WDR7: variants seen among roughly 807,000 people sequenced by gnomAD.
WDR7 encodes the protein WD repeat-containing protein 7.
In WDR7, 46 loss-of-function variants were observed where a neutral mutation model predicts 169.4. That is an observed-to-expected ratio of 0.27 (90% confidence interval 0.21 to 0.35). The LOEUF (loss-of-function observed/expected upper bound fraction) is 0.35, where lower values mean the gene tolerates loss of function less well. Ranked by LOEUF, WDR7 falls within the 10% of genes least tolerant of loss-of-function variation. The pLI is 1.00. For missense variants in WDR7, 1,534 were observed against 1,859.3 expected (o/e 0.83, Z 3.22); for synonymous variants, 612 against 666.8 (o/e 0.92, Z 1.27).
intron 19 of WDR7, among the ~76,000 whole-genome samples, chr18:56,815,277 C>T (rs150249396): frequency 1.3e-5 from 2 of 152,102 alleles, no homozygotes; most frequent in African/African-American, 4.8e-5. Flanking sequence ...CTTTTGATAA[C>T]CATGTGAAAA....
At chr18:56,695,401 TAAAG>T (rs2025677882) in intron 11 of WDR7, among the ~76,000 whole-genome samples, 1 of 152,176 alleles carries the variant, frequency 6.6e-6, no homozygotes, top group Non-Finnish European at 1.5e-5. Flanking sequence ...TGACTGTAAA[TAAAG>T]AAGTATCCAA....
chr18:57,012,601 C>T (rs966872633), intron 26 of WDR7, among the ~76,000 whole-genome samples: 2 of 152,250 alleles, frequency 1.3e-5, no homozygotes, highest in African/African-American at 2.4e-5. Context: ...CTGTAGCTGC[C>T]TGGGCTGGGG....
intron 1 of WDR7, among the ~76,000 whole-genome samples, chr18:56,667,046 AAC>A (rs1346474336): frequency 6.6e-6 from 1 of 152,142 alleles, no homozygotes; most frequent in African/African-American, 2.4e-5. Context: ...TACCATTCAG[AAC>A]AGTTTTGTTG....
chr18:56,836,747 A>C (rs978711689), intron 20 of WDR7, among the ~76,000 whole-genome samples: 3 of 152,244 alleles, frequency 2.0e-5, no homozygotes, highest in African/African-American at 7.2e-5. Flanking sequence ...ATTTGAAAGA[A>C]GCCTTTCAAC....
At chr18:56,686,168 A>G in intron 6 of WDR7, 136 bp downstream of exon 6, 3 of 669,860 alleles carry the variant, frequency 4.5e-6, no homozygotes, top group Non-Finnish European at 7.1e-6. Context: ...TCTTATAGGC[A>G]TAGTATGGAA....
chr18:56,950,835 G>A (rs1375152006), intron 25 of WDR7, among the ~76,000 whole-genome samples: 1 of 152,190 alleles, frequency 6.6e-6, no homozygotes, highest in Non-Finnish European at 1.5e-5. Flanking sequence ...ATGGGCATTT[G>A]ATGTTAAATC....
At chr18:56,769,439 T>A (rs1340883703) in intron 16 of WDR7, among the ~76,000 whole-genome samples, 1 of 152,140 alleles carries the variant, frequency 6.6e-6, no homozygotes, top group African/African-American at 2.4e-5. Flanking sequence ...GCTCAAGTGA[T>A]CCTCCCACCC....
chr18:56,690,072 A>G (rs2025531559), intron 7 of WDR7, among the ~76,000 whole-genome samples: 1 of 152,156 alleles, frequency 6.6e-6, no homozygotes, highest in South Asian at 2.1e-4. Flanking sequence ...TCCTGGGAAA[A>G]TTTTCTAACA....
Position 56,915,906 on chromosome 18 carries a change from G to A in WDR7, c.3527-8016G>A, listed in dbSNP as rs560291012. ...CTCTAGCGAGGGACCCTTTGTCATG[G>A]AGGAGTTCTCCCCTCCTCCTTTCTG... is the stretch of plus-strand genomic sequence containing the variant. On this transcript the variant is annotated intron_variant, in intron 21 of 27. Coordinates refer to ENST00000254442, the MANE Select transcript of WDR7 (RefSeq NM_015285.3). Among the ~76,000 whole-genome samples, 571 of 152,226 alleles carry A rather than the reference G, an allele frequency of 3.8e-3. 1 individual carries two copies. Among genetic ancestry groups the A allele is most frequent in the Admixed American group, 7.8e-3 (119 of 15,284 alleles).
chr18:56,832,953 G>T (rs754803803), intron 20 of WDR7, among the ~76,000 whole-genome samples: 1 of 151,986 alleles, frequency 6.6e-6, no homozygotes, highest in Admixed American at 6.6e-5. Flanking sequence ...ACAACTCCTC[G>T]CCAGCAAGGG....
chr18:56,838,201 TTTA>T (rs1164311943), intron 20 of WDR7, among the ~76,000 whole-genome samples: 6 of 151,170 alleles, frequency 4.0e-5, no homozygotes, highest in Non-Finnish European at 5.9e-5. Context: ...TCATTGTTGC[TTTA>T]TTATTATTTT....
chr18:56,725,851 C>A (rs931968189), intron 13 of WDR7, among the ~76,000 whole-genome samples: 2 of 152,128 alleles, frequency 1.3e-5, no homozygotes, highest in African/African-American at 2.4e-5. Flanking sequence ...AGGAAGGGAT[C>A]CAGTTTCAGC....
intron 21 of WDR7, among the ~76,000 whole-genome samples, chr18:56,922,091 T>C (rs970976036): frequency 6.6e-6 from 1 of 152,180 alleles, no homozygotes; most frequent in East Asian, 1.9e-4. Context: ...CTGCAGAGAA[T>C]AGCAGCTGGA....
intron 14 of WDR7, 64 bp from the exon 15 acceptor site, chr18:56,756,519 A>G: frequency 7.7e-7 from 1 of 1,301,746 alleles, no homozygotes; most frequent in Non-Finnish European, 1.0e-6. Flanking sequence ...TTTATTGTTT[A>G]TTAATGAATG....
chr18:57,032,804 TATATATATATA>T (rs2048448582), downstream of WDR7: 1 of 11,072 alleles, frequency 9.0e-5, no homozygotes, highest in Admixed American at 1.5e-3. Context: ...AATTATTTTA[TATATATATATA>T]TATATATATA....
intron 27 of WDR7, 37 bp from the exon 28 acceptor site, chr18:57,026,967 C>A: frequency 2.5e-6 from 4 of 1,592,160 alleles, no homozygotes; most frequent in Non-Finnish European, 3.4e-6. Context: ...AGGGAGAGGG[C>A]TGTTCAAGTG....
chr18:56,863,004 G>A (rs1453863169), intron 20 of WDR7, among the ~76,000 whole-genome samples: 4 of 151,822 alleles, frequency 2.6e-5, no homozygotes, highest in Non-Finnish European at 4.4e-5. Flanking sequence ...AGGAGTACCA[G>A]TTTTATTGAA....
chr18:56,988,981 A>G lies in WDR7; in HGVS notation c.4164+26452A>G, dbSNP rs181685925. Among the ~76,000 whole-genome samples, 38 of 152,186 alleles carry G rather than the reference A, an allele frequency of 2.5e-4. No homozygotes were observed. In the East Asian group the frequency reaches 6.4e-3, roughly 25 times the overall value. On this transcript the variant is annotated intron_variant, in intron 26 of 27. Transcript: ENST00000254442. ...GCTCTGATTTGGTATTTAACAGAAA[A>G]AAATTGAATTATCTACAGTAATTTT...
At chr18:56,868,276 A>T (rs963555911) in intron 20 of WDR7, among the ~76,000 whole-genome samples, 28 of 152,232 alleles carry the variant, frequency 1.8e-4, no homozygotes, top group African/African-American at 5.1e-4. Context: ...GATATAATTT[A>T]AAAAAATGAA....
Sources: gnomAD v4.1 joint callset for allele counts (sites outside exome capture counted in the v4.1 genomes callset) on GRCh38, gnomAD v4.1.1 for gene constraint, MANE v1.5 for transcripts, NCBI Gene and HGNC (gene_info 2026-07-23, HGNC 2026-07-21) for gene names.